ZNF217: variants seen among roughly 807,000 people sequenced by gnomAD.
ZNF217 encodes zinc finger protein 217.
In ZNF217, 12 loss-of-function variants were observed where a neutral mutation model predicts 73.3. The observed-to-expected ratio is 0.16, with a 90% CI of 0.10 to 0.27. The LOEUF (loss-of-function observed/expected upper bound fraction) is 0.27, where lower values mean the gene tolerates loss of function less well. Among genes scored for constraint, ZNF217 ranks in the 10% least tolerant of loss-of-function variants. ZNF217 has a pLI of 1.00. For missense variants in ZNF217, 1,195 were observed against 1,327.8 expected, an observed-to-expected ratio of 0.90 and a Z score of 1.55; for synonymous variants, 588 against 516.4, an observed-to-expected ratio of 1.14 and a Z score of -1.88.
intron 3 of ZNF217, 106 bp from the exon 4 acceptor site, chr20:53,577,386 T>G (rs2090454031): frequency 2.0e-6 from 2 of 984,564 alleles, no homozygotes; most frequent in South Asian, 3.5e-5. Context: ...TTTTGCTTTC[T>G]CGATCTACTA....
At chr20:53,595,046 C>A (rs116463843), upstream of ZNF217, among the ~76,000 whole-genome samples, 1,585 of 104,798 alleles carry the variant, frequency 0.015, no homozygotes, top group Non-Finnish European at 0.018. Flanking sequence ...AAAAAAGGGA[C>A]AAAAAAAAAA....
rs554460725 is a variant in ZNF217 at position 53,574,138 on chromosome 20, T to C, written c.3037+1589A>G. 1.5e-4 allele frequency among the ~76,000 whole-genome samples: 23 copies of C among 152,252 alleles called. No individual in the cohort carries two copies. In the East Asian group the frequency reaches 4.1e-3, roughly 27 times the overall value. On this transcript the variant is annotated intron_variant, in intron 4 of 5. Coordinates refer to ENST00000371471, the MANE Select transcript of ZNF217 (RefSeq NM_006526.3). ...ATGAAGTAAATGCTATGTAAATAGT[T>C]GTTATACTGTATTATCTAGGGAATT...
At position 53,576,670 on chromosome 20, in the gene ZNF217, C is replaced by T. The variant is rs779943225; in HGVS notation, c.2094G>A (p.Pro698=). 39 of 1,614,026 alleles carry T rather than the reference C, an allele frequency of 2.4e-5. No homozygotes were observed. In the African/African-American group the frequency reaches 3.3e-4, roughly 14 times the overall value. Reference sequence around the variant, plus strand: ...TCAAACTTTTACTCAAAGAAATTGCCGGGCAATTGTGAAGAGCCCCCACGG... The same window carrying T: ...TCAAACTTTTACTCAAAGAAATTGCTGGGCAATTGTGAAGAGCCCCCACGG... ...NLSVGALHNC[P]AISLSKSLIP... Residue 698 remains proline, a synonymous_variant, in exon 4 of 6, where the codon CCG becomes CCA. Transcript: ENST00000371471.
rs1987807137 is a variant in ZNF217, at chr20:53,567,773, T to C, written c.*1515A>G. The C allele has an allele frequency of 6.6e-6, 1 of 152,510 alleles. No individual in the cohort carries two copies. Among genetic ancestry groups the C allele is most frequent in the Non-Finnish European group, 1.5e-5 (1 of 68,030 alleles). 9.4% of individuals were successfully genotyped at this position (152,510 alleles called of 1,614,324 possible). On this transcript the variant is annotated 3_prime_UTR_variant, in exon 6 of 6. Coordinates refer to ENST00000371471, the MANE Select transcript of ZNF217 (RefSeq NM_006526.3). ...CAACAGACTGATCTCAAATGAGTTC[T>C]CCCTTGTAACACAGGAGCTAAGACT...
chr20:53,587,282 C>T (rs1207289405), intron 1 of ZNF217, among the ~76,000 whole-genome samples: 2 of 152,208 alleles, frequency 1.3e-5, no homozygotes, highest in Non-Finnish European at 2.9e-5. Context: ...GTGACTAAAG[C>T]TACCATGAAT....
chr20:53,575,897 G>C lies in ZNF217; in HGVS notation c.2867C>G (p.Pro956Arg), dbSNP rs1253700204. The change falls in exon 4 of 6, where the codon CCG (proline) becomes CGG (arginine). Residue 956 changes from proline to arginine, a missense_variant. Transcript: ENST00000371471. ...CTGCGACGGATACACACAGTCCTGC[G>C]GTAACAGTGATGTGATGCCTCTGAC... ...HMVRGITSLL[P>R]QDCVYPSQAL... 6.2e-7 allele frequency: 1 copy of C among 1,614,180 alleles called. No individual in the cohort carries two copies. Among genetic ancestry groups the C allele is most frequent in the Admixed American group, 1.7e-5 (1 of 60,022 alleles).
upstream of ZNF217, among the ~76,000 whole-genome samples, chr20:53,595,055 A>AAAAC (rs1367824587): frequency 6.7e-6 from 1 of 149,316 alleles, no homozygotes; most frequent in Non-Finnish European, 1.5e-5. Flanking sequence ...ACAAAAAAAA[A>AAAAC]AAAAAAAAAA....
Position 53,582,099 on chromosome 20 carries a change from G to T in ZNF217, c.728C>A (p.Ala243Asp). The change falls in exon 2 of 6, where the codon GCT becomes GAT. Residue 243 changes from alanine to aspartate, a missense_variant. This residue lies in a region of ZNF217 where 126 missense variants were observed against 114.4 expected (regional missense o/e 1.10). Coordinates refer to ENST00000371471, the MANE Select transcript of ZNF217 (RefSeq NM_006526.3). This position sits in a 1 kb window ranked among gnomAD's most constrained non-coding sequence, Gnocchi z 4.8. ...TGTCTGCGCGCTGCTGGTACCGAAAGCAGTTTTTTTGGTGTGCACCTTGCG... is the reference window on the plus strand; with the variant it reads ...TGTCTGCGCGCTGCTGGTACCGAAATCAGTTTTTTTGGTGTGCACCTTGCG... Reference protein sequence around the residue: ...EHRKVHTKKTAFGTSSAQTDS... With the variant: ...EHRKVHTKKTDFGTSSAQTDS... 6.2e-7 allele frequency: 1 copy of T among 1,614,222 alleles called. No individual in the cohort carries two copies. The highest frequency in any genetic ancestry group is 8.5e-7 in the Non-Finnish European group (1 of 1,180,040).
Position 53,569,250 on chromosome 20 carries a change from G to A in ZNF217, c.*38C>T. The A allele has an allele frequency of 7.4e-7, 1 of 1,345,690 alleles. No homozygotes were observed. The highest frequency in any genetic ancestry group is 1.2e-5 in the South Asian group (1 of 83,720). 83.4% of individuals were successfully genotyped at this position (1,345,690 alleles called of 1,614,324 possible). On this transcript the variant is annotated 3_prime_UTR_variant, in exon 6 of 6. Transcript: ENST00000371471. ...TTTAATTTCATGGGGAGTAAGCACT[G>A]ACATCCACCAAGACCTAAGGAAAAC...
chr20:53,597,104 A>C (rs925255635), upstream of ZNF217, among the ~76,000 whole-genome samples: 22 of 152,020 alleles, frequency 1.4e-4, no homozygotes, highest in South Asian at 2.1e-4. Context: ...AAAGAAAAAA[A>C]AAAAAAAAAC....
intron 5 of ZNF217, among the ~76,000 whole-genome samples, 181 bp from the exon 6 acceptor site, chr20:53,569,445 C>T (rs141984305): frequency 8.1e-4 from 124 of 152,250 alleles, no homozygotes; most frequent in African/African-American, 2.8e-3. Context: ...TGCAGCGGCA[C>T]GATCTTGGCT....
In ZNF217 at chr20:53,576,335, G is replaced by T; in HGVS notation, c.2429C>A (p.Ser810Tyr). 1 of 1,614,232 alleles carries T rather than the reference G, an allele frequency of 6.2e-7. No homozygotes were observed. Among genetic ancestry groups the T allele is most frequent in the East Asian group, 2.2e-5 (1 of 44,884 alleles). Residue 810 changes from serine to tyrosine, a missense_variant, in exon 4 of 6, where the codon TCT (serine) becomes TAT (tyrosine). Physicochemically the swap from Ser to Tyr is moderately radical, Grantham distance 144 (BLOSUM62 -2). Coordinates refer to ENST00000371471, the MANE Select transcript of ZNF217 (RefSeq NM_006526.3). Reference protein sequence around the residue: ...GKAPLTSGIDSSTLAPSNLKS... With the variant: ...GKAPLTSGIDYSTLAPSNLKS... ...CAGGTTACTTGGGGCTAAAGTGCTAGAGTCTATCCCTGAAGTCAGAGGGGC... is the reference window on the plus strand; with the variant it reads ...CAGGTTACTTGGGGCTAAAGTGCTATAGTCTATCCCTGAAGTCAGAGGGGC...
At chr20:53,570,988 T>G (rs973856295) in intron 5 of ZNF217, among the ~76,000 whole-genome samples, 1 of 152,164 alleles carries the variant, frequency 6.6e-6, no homozygotes, top group East Asian at 1.9e-4. Flanking sequence ...CGGTAAATAG[T>G]TTCAGCTTTG....
At chr20:53,585,899 C>A (rs779527159) in intron 1 of ZNF217, among the ~76,000 whole-genome samples, 9 of 152,128 alleles carry the variant, frequency 5.9e-5, no homozygotes, top group South Asian at 2.1e-4. Context: ...CAGCAGAATT[C>A]TTTCTCCAGG....
At chr20:53,579,122 T>C (rs1226161793) in intron 2 of ZNF217, among the ~76,000 whole-genome samples, 7 of 152,278 alleles carry the variant, frequency 4.6e-5, no homozygotes, top group East Asian at 3.9e-4. Flanking sequence ...AATGACAGTG[T>C]TTGGCTTTAG....
chr20:53,597,556 T>C (rs1318607846), upstream of ZNF217: 1 of 151,518 alleles, frequency 6.6e-6, no homozygotes. Flanking sequence ...GTCACTCTTC[T>C]GTAAAGTATC....
chr20:53,572,685 G>A (rs1396855361), intron 4 of ZNF217: 1 of 152,132 alleles, frequency 6.6e-6, no homozygotes, highest in Non-Finnish European at 1.5e-5. Context: ...TCACCACACA[G>A]AATCCTCAGT....
At chr20:53,590,625 G>A (rs1035513662) in intron 1 of ZNF217, among the ~76,000 whole-genome samples, 3 of 151,980 alleles carry the variant, frequency 2.0e-5, no homozygotes, top group African/African-American at 7.3e-5. Flanking sequence ...TTATAAAGTG[G>A]GAAAACAGCA....
chr20:53,580,301 T>A (rs560459623), intron 2 of ZNF217, among the ~76,000 whole-genome samples: 1 of 152,162 alleles, frequency 6.6e-6, no homozygotes, highest in African/African-American at 2.4e-5. Context: ...ATACACCCAG[T>A]TTTCCGAAGA....
Sources: allele counts gnomAD v4.1 joint callset (sites outside exome capture counted in the v4.1 genomes callset), GRCh38; gene constraint gnomAD v4.1.1; regional missense constraint gnomAD v4.1.1; non-coding constraint Gnocchi (gnomAD v3.1); transcripts MANE v1.5; gene names NCBI Gene and HGNC (gene_info 2026-07-23, HGNC 2026-07-21).